Variants in C11orf65 observed in about 807,000 individuals in gnomAD.
C11orf65 encodes the protein protein MFI.
In C11orf65, 38 loss-of-function variants were observed where a neutral mutation model predicts 35.3. The ratio of observed to expected loss-of-function variants is 1.08; its 90% confidence interval spans 0.83 to 1.41. The LOEUF is 1.41. Among genes scored for constraint, C11orf65 ranks in the 40% most tolerant of loss-of-function variants. The pLI is 0.00. For synonymous variants in C11orf65, 105 were observed against 114.4 expected (o/e 0.92, Z 0.53); for missense variants, 370 against 367.1 (o/e 1.01, Z -0.06).
chr11:108,459,375 CAA>C (rs986886253), intron 2 of C11orf65, among the ~76,000 whole-genome samples: 1 of 152,078 alleles, frequency 6.6e-6, no homozygotes, highest in African/African-American at 2.4e-5. Flanking sequence ...TCTTGGTCTG[CAA>C]AAGACTGGAG....
downstream of C11orf65, among the ~76,000 whole-genome samples, chr11:108,326,494 A>G (rs1352990350): frequency 2.0e-5 from 3 of 152,202 alleles, no homozygotes; most frequent in South Asian, 2.1e-4. Flanking sequence ...AATTCAAGAA[A>G]GGTATGTGGG....
intron 2 of C11orf65, among the ~76,000 whole-genome samples, chr11:108,450,938 C>T (rs1447214966): frequency 2.0e-5 from 3 of 151,714 alleles, no homozygotes; most frequent in Non-Finnish European, 4.4e-5. Context: ...GCAGAAACGG[C>T]CTTCAATAAA....
chr11:108,456,733 T>C (rs1185592403), intron 2 of C11orf65, among the ~76,000 whole-genome samples: 1 of 148,366 alleles, frequency 6.7e-6, no homozygotes, highest in Admixed American at 6.8e-5. Flanking sequence ...ACTGTGATCA[T>C]GCAACTGCAC....
At chr11:108,453,660 T>G (rs143232340) in intron 2 of C11orf65, among the ~76,000 whole-genome samples, 1,891 of 152,324 alleles carry the variant, frequency 0.012, 48 homozygotes, top group African/African-American at 0.042. Flanking sequence ...ACGAAATATC[T>G]ATTGAAGTGA....
At chr11:108,464,173 C>T (rs889629412) in intron 1 of C11orf65, among the ~76,000 whole-genome samples, 6 of 152,168 alleles carry the variant, frequency 3.9e-5, no homozygotes, top group East Asian at 1.9e-4. Context: ...GAAATCCACC[C>T]GCCTTGGCCT....
intron 2 of C11orf65, chr11:108,365,879 A>C: frequency 4.7e-6 from 1 of 214,320 alleles, no homozygotes; most frequent in Non-Finnish European, 9.6e-6. Flanking sequence ...AAATACAAAA[A>C]TTAGCCGAGC....
chr11:108,445,072 T>G (rs1046129032), intron 2 of C11orf65, among the ~76,000 whole-genome samples: 3 of 152,108 alleles, frequency 2.0e-5, no homozygotes, highest in Non-Finnish European at 4.4e-5. Context: ...TGCCTGCCAT[T>G]GCCCAGGCTT....
intron 3 of C11orf65, among the ~76,000 whole-genome samples, chr11:108,408,591 G>A (rs995434562): frequency 1.3e-5 from 2 of 151,252 alleles, no homozygotes; most frequent in Non-Finnish European, 2.9e-5. Flanking sequence ...CAGGAGAATC[G>A]CTTGAACCAG....
chr11:108,410,865 C>T (rs944924789), intron 3 of C11orf65, among the ~76,000 whole-genome samples: 6 of 151,808 alleles, frequency 4.0e-5, no homozygotes, highest in African/African-American at 1.2e-4. Context: ...CACGCAACCA[C>T]GACTGGCTAA....
At chr11:108,354,088 C>A (rs1196132527) in intron 2 of C11orf65, among the ~76,000 whole-genome samples, 1 of 149,596 alleles carries the variant, frequency 6.7e-6, no homozygotes. Flanking sequence ...CACACACACA[C>A]ACACACACAC....
intron 2 of C11orf65, among the ~76,000 whole-genome samples, chr11:108,338,844 T>C (rs2087147293): frequency 6.6e-6 from 1 of 152,222 alleles, no homozygotes; most frequent in African/African-American, 2.4e-5. Context: ...ATCATTATGT[T>C]AAACTAAGTG....
At chr11:108,427,018 C>T (rs1474431810) in intron 3 of C11orf65, among the ~76,000 whole-genome samples, 5 of 152,172 alleles carry the variant, frequency 3.3e-5, no homozygotes, top group African/African-American at 9.6e-5. Context: ...CCCTTCCTTA[C>T]ACCTTATACA....
rs1410228904 is a variant in C11orf65 at position 108,326,045 on chromosome 11, A to G, written c.641-16974T>C. On this transcript the variant is annotated intron_variant, in intron 6 of 6. Coordinates refer to the C11orf65 transcript ENST00000525729. ...GTAAAAGTATTTATTCCCATATGTC[A>G]TTTTCATTTCAGCTCCCTGAAAGGG... 1.9e-6 allele frequency: 3 copies of G among 1,613,300 alleles called. No homozygotes were observed. In the African/African-American group the frequency reaches 4.0e-5, roughly 22 times the overall value.
At chr11:108,434,336 C>G (rs1042118360) in intron 2 of C11orf65, among the ~76,000 whole-genome samples, 2 of 151,908 alleles carry the variant, frequency 1.3e-5, no homozygotes. Context: ...GAAACCACAT[C>G]TCTACTAAAA....
chr11:108,428,768 A>C (rs2092944634), intron 3 of C11orf65, among the ~76,000 whole-genome samples: 1 of 152,224 alleles, frequency 6.6e-6, no homozygotes, highest in South Asian at 2.1e-4. Flanking sequence ...CTATGTAACA[A>C]ACCTGCATGT....
At chr11:108,423,843 C>A (rs1191556096) in intron 3 of C11orf65, among the ~76,000 whole-genome samples, 2 of 152,142 alleles carry the variant, frequency 1.3e-5, no homozygotes, top group African/African-American at 4.8e-5. Context: ...AACTAACAAA[C>A]AGAAAGGAAT....
At chr11:108,403,412 TTTTTTTTG>T (rs1027773502) in intron 6 of C11orf65, among the ~76,000 whole-genome samples, 7 of 144,488 alleles carry the variant, frequency 4.8e-5, no homozygotes, top group African/African-American at 1.9e-4. Flanking sequence ...TTGAGAGGTT[TTTTTTTTG>T]TTTTTTTTTT....
intron 3 of C11orf65, among the ~76,000 whole-genome samples, chr11:108,429,051 G>T (rs538368541): frequency 2.1e-4 from 32 of 152,210 alleles, no homozygotes; most frequent in African/African-American, 7.7e-4. Flanking sequence ...TGAGGCTGAG[G>T]TGGGAGGATC....
intron 3 of C11orf65, among the ~76,000 whole-genome samples, chr11:108,422,799 T>C (rs1307547595): frequency 6.6e-6 from 1 of 151,758 alleles, no homozygotes; most frequent in African/African-American, 2.4e-5. Flanking sequence ...GGAGCATCAC[T>C]TGAACCTGGG....
Sources: gnomAD v4.1 joint callset for allele counts (sites outside exome capture counted in the v4.1 genomes callset) on GRCh38, gnomAD v4.1.1 for gene constraint, MANE v1.5 for transcripts, NCBI Gene and HGNC (gene_info 2026-07-23, HGNC 2026-07-21) for gene names.